LEPROTL1: variants seen among roughly 807,000 people sequenced by gnomAD.
LEPROTL1 encodes leptin receptor overlapping transcript like 1, also known as leptin receptor overlapping transcript-like 1.
LEPROTL1 carries 6 observed loss-of-function variants against 15.4 expected under a neutral mutation model. The ratio of observed to expected loss-of-function variants is 0.39; its 90% CI spans 0.21 to 0.77. The LOEUF is 0.77. LEPROTL1 is among the 30% of genes least tolerant of loss of function. LEPROTL1 has a pLI of 0.41. For synonymous variants in LEPROTL1, 56 were observed against 52.6 expected (o/e 1.06, Z -0.28); for missense variants, 128 against 158.1 (o/e 0.81, Z 1.02).
chr8:30,104,567 C>T (rs1802528753), intron 3 of LEPROTL1, 81 bp downstream of exon 3: 4 of 901,918 alleles, frequency 4.4e-6, no homozygotes, highest in Non-Finnish European at 6.5e-6. Context: ...TTGTTAATGA[C>T]ATGAAAAGAG....
rs953326968 is a variant in LEPROTL1, at chr8:30,132,720, TCCCAGGAGAGCAGGGAAAAAGAGCAAGTA to T, written c.394+232_394+260del. 1.3e-5 allele frequency: 20 copies of T among 1,551,500 alleles called. No homozygotes were observed. In the African/African-American group the frequency reaches 2.7e-4, roughly 21 times the overall value. On this transcript the variant is annotated intron_variant, in intron 4 of 4. Transcript: ENST00000442880. ...ATCGCTGGAAGGAGCACAGAGAGCCTCCCAGGAGAGCAGGGAAAAAGAGCAAGTAGCTGAAATAGGGCAGTGCCTTACAC... is the reference window on the plus strand; with the variant it reads ...ATCGCTGGAAGGAGCACAGAGAGCCTGCTGAAATAGGGCAGTGCCTTACAC...
At chr8:30,135,949 C>T (rs1803130402) in intron 4 of LEPROTL1, among the ~76,000 whole-genome samples, 1 of 149,100 alleles carries the variant, frequency 6.7e-6, no homozygotes, top group Non-Finnish European at 1.5e-5. Flanking sequence ...ATTACAATGA[C>T]ACACTCTACA....
At chr8:30,109,523 C>T (rs1021080224), downstream of LEPROTL1, among the ~76,000 whole-genome samples, 3 of 152,140 alleles carry the variant, frequency 2.0e-5, no homozygotes, top group Admixed American at 6.5e-5. Flanking sequence ...TTTAATTTTT[C>T]CTTGGTAATT....
intron 3 of LEPROTL1, 79 bp downstream of exon 3, chr8:30,104,565 G>C: frequency 1.1e-6 from 1 of 894,804 alleles, no homozygotes; most frequent in Non-Finnish European, 1.6e-6. Flanking sequence ...TTTTGTTAAT[G>C]ACATGAAAAG....
chr8:30,129,896 C>G lies in LEPROTL1; in HGVS notation c.280-2479C>G, dbSNP rs78122417. Reference sequence around the variant, plus strand: ...GCGGAAGGTGAAGAGGCAGGAGGCACGTTTTACATGGCTGGAGCAGGAGGA... The same window carrying G: ...GCGGAAGGTGAAGAGGCAGGAGGCAGGTTTTACATGGCTGGAGCAGGAGGA... On this transcript the variant is annotated intron_variant, in intron 3 of 4. Transcript: ENST00000442880. 3.8e-3 allele frequency among the ~76,000 whole-genome samples: 572 copies of G among 152,134 alleles called. 2 individuals are homozygous for G. The highest frequency in any genetic ancestry group is 0.013 in the African/African-American group (548 of 41,502).
chr8:30,113,892 C>G (rs1462363445), intron 3 of LEPROTL1, among the ~76,000 whole-genome samples: 3 of 152,130 alleles, frequency 2.0e-5, no homozygotes, highest in Non-Finnish European at 4.4e-5. Flanking sequence ...ATGGAATACA[C>G]CGAAGCTCCG....
downstream of LEPROTL1, among the ~76,000 whole-genome samples, chr8:30,111,628 T>C (rs1411591941): frequency 1.3e-5 from 2 of 152,158 alleles, no homozygotes; most frequent in African/African-American, 4.8e-5. Context: ...TGGAGCACAG[T>C]CCCTCTCTGA....
chr8:30,131,929 G>A (rs1415166503), intron 3 of LEPROTL1: 1 of 1,536,046 alleles, frequency 6.5e-7, no homozygotes, highest in South Asian at 1.2e-5. Flanking sequence ...TAAGGTGAAA[G>A]CCAGGGAAAG....
chr8:30,133,786 C>T (rs1000971227), intron 4 of LEPROTL1, among the ~76,000 whole-genome samples: 27 of 30,318 alleles, frequency 8.9e-4, no homozygotes, highest in Non-Finnish European at 2.5e-4. Flanking sequence ...GAGACCCTGT[C>T]TCAAAAAAAA....
At chr8:30,117,335 T>C in intron 3 of LEPROTL1, 1 of 789,992 alleles carries the variant, frequency 1.3e-6, no homozygotes, top group East Asian at 2.6e-5. Context: ...TTTTTTTTTT[T>C]AATTGTCTGT....
At chr8:30,136,660 C>A (rs187972482) in intron 4 of LEPROTL1, among the ~76,000 whole-genome samples, 1 of 152,288 alleles carries the variant, frequency 6.6e-6, no homozygotes, top group East Asian at 1.9e-4. Context: ...GCCCCACCCA[C>A]CTGCCATCTT....
At chr8:30,118,519 A>T (rs558864134) in intron 3 of LEPROTL1, among the ~76,000 whole-genome samples, 2 of 152,252 alleles carry the variant, frequency 1.3e-5, no homozygotes, top group South Asian at 4.1e-4. Context: ...TTTTTCTGAG[A>T]TCTCCTGAAG....
intron 3 of LEPROTL1, among the ~76,000 whole-genome samples, chr8:30,120,958 T>C (rs1342822819): frequency 1.3e-5 from 2 of 152,240 alleles, no homozygotes; most frequent in Non-Finnish European, 2.9e-5. Flanking sequence ...TCATCTCGCA[T>C]GACAAACTCT....
chr8:30,112,982 C>T (rs1373654478), downstream of LEPROTL1, among the ~76,000 whole-genome samples: 1 of 151,730 alleles, frequency 6.6e-6, no homozygotes, highest in African/African-American at 2.4e-5. Context: ...AAATGATACC[C>T]TTTTTGGCCA....
At position 30,104,408 on chromosome 8, in the gene LEPROTL1, G is replaced by A. The variant is rs746107155; in HGVS notation, c.201G>A (p.Lys67=). 6.8e-6 allele frequency: 11 copies of A among 1,612,600 alleles called. No individual in the cohort carries two copies. In the East Asian group the frequency reaches 2.5e-4, roughly 36 times the overall value. ...DDTDAMSNAC[K]ELAIFLTTGI... ...CAGATGCTATGAGTAACGCTTGTAAGGAACTTGCCATCTTTCTTACAACGG... is the reference window on the plus strand; with the variant it reads ...CAGATGCTATGAGTAACGCTTGTAAAGAACTTGCCATCTTTCTTACAACGG... Residue 67 remains lysine (K), a synonymous_variant, in exon 3 of 4, where the codon AAG becomes AAA. Coordinates refer to ENST00000321250, the MANE Select transcript of LEPROTL1 (RefSeq NM_015344.3).
chr8:30,132,671 T>C (rs1803050538), intron 4 of LEPROTL1: 3 of 1,551,712 alleles, frequency 1.9e-6, no homozygotes, highest in East Asian at 4.9e-5. Context: ...TGCAAAGCAC[T>C]GGACCCTTGA....
chr8:30,104,714 CT>C (rs376796010), intron 3 of LEPROTL1: 11,510 of 199,998 alleles, frequency 0.058, no homozygotes, highest in Middle Eastern at 0.083. Context: ...TTTTTTTTTT[CT>C]TTTTTTTTTT....
intron 3 of LEPROTL1, among the ~76,000 whole-genome samples, chr8:30,116,308 G>C (rs1802739677): frequency 6.6e-6 from 1 of 152,116 alleles, no homozygotes; most frequent in South Asian, 2.1e-4. Context: ...CAGTTTGTTA[G>C]GTCAGCAGTC....
Position 30,104,724 on chromosome 8 carries a change from T to G in LEPROTL1, c.279+238T>G, listed in dbSNP as rs574992737. The G allele has an allele frequency of 2.1e-5, 7 of 333,556 alleles. No homozygotes were observed. In the South Asian group the frequency reaches 5.2e-4, roughly 25 times the overall value. The allele number at this position is 333,556 out of a possible 1,614,324, so 20.7% of individuals were successfully genotyped here. A position where few individuals can be genotyped will look rare whatever the true frequency, so the allele number is the denominator to read the frequency against. The stretch of plus-strand genomic sequence containing the variant: ...AATACTTTTTTTTTTCTTTTTTTTT[T>G]TTTTTTGAGATGGAGTCTTGCTCTG... On this transcript the variant is annotated intron_variant, in intron 3 of 3. Transcript: ENST00000321250.
Sources: allele counts gnomAD v4.1 joint callset (sites outside exome capture counted in the v4.1 genomes callset), GRCh38; gene constraint gnomAD v4.1.1; transcripts MANE v1.5; gene names NCBI Gene and HGNC (gene_info 2026-07-23, HGNC 2026-07-21).